SRGAP3: variants seen among roughly 807,000 people sequenced by gnomAD.
SRGAP3 encodes the protein SLIT-ROBO Rho GTPase-activating protein 3.
SRGAP3 carries 39 observed loss-of-function variants against 121.1 expected under a neutral mutation model. That is an observed-to-expected ratio of 0.32 (90% CI 0.25 to 0.42). SRGAP3 has a LOEUF of 0.42. Ranked by LOEUF, SRGAP3 falls within the 10% of genes least tolerant of loss-of-function variation. The pLI, the probability that SRGAP3 is intolerant of heterozygous loss-of-function variation, is 1.00. For synonymous variants in SRGAP3, 601 were observed against 570.0 expected (o/e 1.05, Z -0.77); for missense variants, 1,213 against 1,470.6 (o/e 0.82, Z 2.86).
At chr3:9,221,440 G>A (rs1004490335) in intron 1 of SRGAP3, among the ~76,000 whole-genome samples, 4 of 152,176 alleles carry the variant, frequency 2.6e-5, no homozygotes, top group African/African-American at 9.7e-5. Flanking sequence ...AGGAGGCTGA[G>A]ACAGGAGGAA....
intron 2 of SRGAP3, among the ~76,000 whole-genome samples, chr3:9,327,533 C>T (rs1356495130): frequency 6.6e-6 from 1 of 152,186 alleles, no homozygotes; most frequent in African/African-American, 2.4e-5. Context: ...ACAATGTTAA[C>T]TCTTAGCAAC....
intron 3 of SRGAP3, among the ~76,000 whole-genome samples, chr3:9,319,880 G>T (rs1955411993): frequency 6.6e-6 from 1 of 151,936 alleles, no homozygotes; most frequent in Admixed American, 6.5e-5. Flanking sequence ...CAGGCTCAGG[G>T]GAGCAGGGAG....
chr3:9,126,769 G>A (rs1190209094), intron 1 of SRGAP3, among the ~76,000 whole-genome samples: 1 of 151,880 alleles, frequency 6.6e-6, no homozygotes, highest in East Asian at 1.9e-4. Context: ...CAGAGACTCA[G>A]AAGGGTGAGG....
intron 1 of SRGAP3, among the ~76,000 whole-genome samples, chr3:9,187,919 C>T (rs937236290): frequency 6.6e-6 from 1 of 152,156 alleles, no homozygotes; most frequent in Non-Finnish European, 1.5e-5. Flanking sequence ...CACAACAAAT[C>T]CCCCAAACTC....
At chr3:9,135,243 A>G (rs144913609) in intron 1 of SRGAP3, among the ~76,000 whole-genome samples, 13 of 152,328 alleles carry the variant, frequency 8.5e-5, no homozygotes, top group African/African-American at 1.4e-4. Context: ...TATGATTATC[A>G]TTTATTATAA....
intron 17 of SRGAP3, among the ~76,000 whole-genome samples, chr3:9,010,610 C>T (rs1343625978): frequency 1.3e-5 from 2 of 152,166 alleles, no homozygotes; most frequent in African/African-American, 4.8e-5. Context: ...TCCCCCAGTG[C>T]CCTCCTAGCC....
At chr3:9,255,081 A>C (rs1574946150) in intron 3 of SRGAP3, among the ~76,000 whole-genome samples, 3 of 152,230 alleles carry the variant, frequency 2.0e-5, no homozygotes, top group African/African-American at 7.2e-5. Flanking sequence ...ACAGTTGTAC[A>C]ACATTGTGAA....
chr3:9,208,449 A>C (rs1454513761), intron 1 of SRGAP3, among the ~76,000 whole-genome samples: 1 of 152,120 alleles, frequency 6.6e-6, no homozygotes, highest in Non-Finnish European at 1.5e-5. Flanking sequence ...CAGAAAACCC[A>C]CAAAGGTCTT....
In SRGAP3 at chr3:9,267,532, T is replaced by G. The variant is rs116915360; in HGVS notation, n.442+58478A>C. The stretch of plus-strand genomic sequence containing the variant: ...GCTGTTCCGCAGGCAGCGGTTGCAG[T>G]TGGGTTTGTTCCCAAGGATGTGAAG... On this transcript the variant is annotated intron_variant and non_coding_transcript_variant, in intron 3 of 3. Transcript: ENST00000490889. 3.2e-3 allele frequency among the ~76,000 whole-genome samples: 493 copies of G among 152,194 alleles called. 18 individuals carry two copies. In the South Asian group the frequency reaches 0.056, roughly 17 times the overall value.
chr3:9,338,013 T>G (rs1215677991), intron 1 of SRGAP3, among the ~76,000 whole-genome samples: 2 of 152,224 alleles, frequency 1.3e-5, no homozygotes, highest in East Asian at 3.8e-4. Flanking sequence ...GAAAAGCTAC[T>G]CTAAGCCAGT....
intron 3 of SRGAP3, among the ~76,000 whole-genome samples, chr3:9,317,005 C>G (rs957660025): frequency 6.6e-6 from 1 of 152,198 alleles, no homozygotes; most frequent in Non-Finnish European, 1.5e-5. Flanking sequence ...CCGTGTACTT[C>G]TTCCTTTCTC....
rs576094516 is a variant in SRGAP3 at position 9,104,897 on chromosome 3, G to A, written c.261-55C>T. On this transcript the variant is annotated intron_variant, in intron 2 of 21. Transcript: ENST00000383836. ...TACATTGGAACTGTCATCCAACAGTGGTTTATGCTGTCACCCACTTCAGCT... is the reference window on the plus strand; with the variant it reads ...TACATTGGAACTGTCATCCAACAGTAGTTTATGCTGTCACCCACTTCAGCT... The A allele has an allele frequency of 7.0e-5, 113 of 1,607,910 alleles. No homozygotes were observed. The African/African-American group carries it at 1.3e-3, about 19-fold the overall frequency.
intron 1 of SRGAP3, among the ~76,000 whole-genome samples, chr3:9,189,263 G>A (rs371294271): frequency 1.3e-5 from 2 of 152,184 alleles, no homozygotes; most frequent in Non-Finnish European, 2.9e-5. Context: ...CAGACCTTCC[G>A]TAAAACTGTC....
intron 3 of SRGAP3, among the ~76,000 whole-genome samples, chr3:9,095,698 C>G (rs1449017956): frequency 1.3e-5 from 2 of 152,214 alleles, no homozygotes; most frequent in Non-Finnish European, 2.9e-5. Context: ...TCTAGCCCTG[C>G]TCTAGTAATG....
chr3:8,992,128 T>C (rs907439646), intron 20 of SRGAP3, among the ~76,000 whole-genome samples: 1 of 152,170 alleles, frequency 6.6e-6, no homozygotes, highest in Non-Finnish European at 1.5e-5. Flanking sequence ...AATTGTGTGT[T>C]CCCACTGTGA....
At chr3:9,263,819 G>C (rs1954300560) in intron 3 of SRGAP3, among the ~76,000 whole-genome samples, 1 of 152,134 alleles carries the variant, frequency 6.6e-6, no homozygotes, top group African/African-American at 2.4e-5. Context: ...CATTTCTTCT[G>C]AAACTATTCC....
chr3:9,029,503 AC>A (rs1944374078), intron 12 of SRGAP3, among the ~76,000 whole-genome samples: 1 of 152,184 alleles, frequency 6.6e-6, no homozygotes, highest in African/African-American at 2.4e-5. Flanking sequence ...ATGATTATGA[AC>A]CCAGGGGATG....
rs370469656 is a variant in SRGAP3, at chr3:9,167,668, T to C, written c.68-42751A>G. ...TGGTTTTAAGAAACATCCCCAGATGTCCAGGGTGCAACTTCAGGAAGGAGG... is the reference window on the plus strand; with the variant it reads ...TGGTTTTAAGAAACATCCCCAGATGCCCAGGGTGCAACTTCAGGAAGGAGG... On this transcript the variant is annotated intron_variant, in intron 1 of 21. Coordinates refer to ENST00000383836, the MANE Select transcript of SRGAP3 (RefSeq NM_014850.4). 4.2e-4 allele frequency among the ~76,000 whole-genome samples: 64 copies of C among 152,286 alleles called. 1 individual carries two copies. Among genetic ancestry groups the C allele is most frequent in the Admixed American group, 1.2e-3 (18 of 15,296 alleles).
At chr3:9,262,729 T>C (rs1383815959) in intron 3 of SRGAP3, among the ~76,000 whole-genome samples, 1 of 152,032 alleles carries the variant, frequency 6.6e-6, no homozygotes, top group Non-Finnish European at 1.5e-5. Flanking sequence ...AGCAAGTTCT[T>C]AGAGACCTAC....
Sources: allele counts gnomAD v4.1 joint callset (sites outside exome capture counted in the v4.1 genomes callset), GRCh38; gene constraint gnomAD v4.1.1; transcripts MANE v1.5; gene names NCBI Gene and HGNC (gene_info 2026-07-23, HGNC 2026-07-21).